Variants in BLVRA observed in about 807,000 individuals in gnomAD.
BLVRA encodes biliverdin reductase A.
Under a neutral mutation model 32.8 loss-of-function variants are expected in BLVRA, and 22 were observed. The observed-to-expected ratio is 0.67, with a 90% confidence interval of 0.48 to 0.96. The LOEUF is 0.96. Among genes scored for constraint, BLVRA ranks in the 40% least tolerant of loss-of-function variants. The pLI is 0.00. For missense variants in BLVRA, 323 were observed against 358.1 expected (o/e 0.90, Z 0.79); for synonymous variants, 119 against 141.3 (o/e 0.84, Z 1.12).
At chr7:43,801,779 C>T (rs937621837) in intron 6 of BLVRA, among the ~76,000 whole-genome samples, 1 of 152,098 alleles carries the variant, frequency 6.6e-6, no homozygotes, top group East Asian at 1.9e-4. Context: ...TGAGACAGAG[C>T]TGGATTGGAG....
At position 43,767,519 on chromosome 7, in the gene BLVRA, G is replaced by A. The variant is rs77122163; in HGVS notation, c.-21-3619G>A. 1.0e-5 allele frequency: 12 copies of A among 1,190,064 alleles called. 1 individual carries two copies. Among genetic ancestry groups the A allele is most frequent in the East Asian group, 7.2e-5 (3 of 41,584 alleles). 73.7% of individuals were successfully genotyped at this position (1,190,064 alleles called of 1,614,324 possible). On this transcript the variant is annotated intron_variant, in intron 1 of 7. Transcript: ENST00000265523. ...TGCTGCTATTGTTGCCGTGGTCACC[G>A]GCCATGTGGTGCTGGCCCTCTTTAT...
At chr7:43,788,164 T>C in intron 3 of BLVRA, 139 bp downstream of exon 3, 1 of 1,489,352 alleles carries the variant, frequency 6.7e-7, no homozygotes, top group Non-Finnish European at 9.2e-7. Flanking sequence ...GTCAGCCCCA[T>C]AAGATCTCAG....
chr7:43,792,826 C>G lies in BLVRA; in HGVS notation c.352+14C>G, dbSNP rs1207661693. Reference sequence around the variant, plus strand: ...CTGAGCAGAAAGGTAATGTATCTTACCAAGAGTTTCTGCCTCCAGGATTTC... The same window carrying G: ...CTGAGCAGAAAGGTAATGTATCTTAGCAAGAGTTTCTGCCTCCAGGATTTC... On this transcript the variant is annotated intron_variant, in intron 5 of 7. Coordinates refer to ENST00000265523, the MANE Select transcript of BLVRA (RefSeq NM_000712.4). The G allele has an allele frequency of 6.8e-6, 11 of 1,611,954 alleles. No individual in the cohort carries two copies. The highest frequency in any genetic ancestry group is 1.1e-5 in the South Asian group (1 of 90,870).
At chr7:43,781,824 G>A (rs1475764755) in intron 2 of BLVRA, among the ~76,000 whole-genome samples, 1 of 152,182 alleles carries the variant, frequency 6.6e-6, no homozygotes, top group East Asian at 1.9e-4. Context: ...AGGAAAATGA[G>A]CAATAAGTCA....
intron 5 of BLVRA, among the ~76,000 whole-genome samples, chr7:43,800,144 T>A (rs2132592279): frequency 6.6e-6 from 1 of 151,738 alleles, no homozygotes; most frequent in East Asian, 2.0e-4. Flanking sequence ...TTAGTAGAGG[T>A]GGGGTTTCAC....
chr7:43,767,568 C>T (rs1303206122), intron 1 of BLVRA: 4 of 1,012,882 alleles, frequency 3.9e-6, no homozygotes, highest in African/African-American at 3.2e-5. Context: ...AATGAAGGCT[C>T]ATGACAGTGA....
intron 2 of BLVRA, among the ~76,000 whole-genome samples, chr7:43,783,466 T>C (rs10280853): frequency 0.15 from 23,136 of 152,238 alleles, 2,214 homozygotes; most frequent in Non-Finnish European, 0.21. Context: ...CCTTTCAATA[T>C]ATAAAGGGCT....
Position 43,789,244 on chromosome 7 carries a change from G to A in BLVRA, c.134+1219G>A, listed in dbSNP as rs545816267. Among the ~76,000 whole-genome samples, 6 of 152,308 alleles carry A rather than the reference G, an allele frequency of 3.9e-5. No individual in the cohort carries two copies. The South Asian group carries it at 1.2e-3, about 32-fold the overall frequency. ...GCAACTCTTTTTCTAGTGCTTTAGA[G>A]ACATCAGATAAATATTTACACAAAG... On this transcript the variant is annotated intron_variant, in intron 3 of 7. Coordinates refer to ENST00000265523, the MANE Select transcript of BLVRA (RefSeq NM_000712.4).
chr7:43,760,989 G>A (rs2095741614), intron 1 of BLVRA, among the ~76,000 whole-genome samples: 3 of 152,008 alleles, frequency 2.0e-5, no homozygotes, highest in Non-Finnish European at 4.4e-5. Context: ...GGTTGGTCTC[G>A]AACTCCTGAC....
chr7:43,788,349 C>T (rs540632045), intron 3 of BLVRA, among the ~76,000 whole-genome samples: 70 of 152,274 alleles, frequency 4.6e-4, no homozygotes, highest in African/African-American at 1.1e-3. Context: ...CGGTGTGCAC[C>T]GGGGAATCCT....
intron 2 of BLVRA, among the ~76,000 whole-genome samples, chr7:43,780,247 C>G (rs1182658921): frequency 6.6e-6 from 1 of 152,158 alleles, no homozygotes; most frequent in African/African-American, 2.4e-5. Flanking sequence ...TTCACCTGCC[C>G]CAAATCTGCT....
intron 5 of BLVRA, among the ~76,000 whole-genome samples, chr7:43,798,954 A>G (rs747962853): frequency 5.3e-5 from 8 of 151,976 alleles, no homozygotes; most frequent in Non-Finnish European, 1.2e-4. Flanking sequence ...TGGGGAAAAT[A>G]TAACATGTTC....
intron 2 of BLVRA, among the ~76,000 whole-genome samples, chr7:43,776,145 A>T (rs1326967061): frequency 6.6e-6 from 1 of 151,808 alleles, no homozygotes; most frequent in Admixed American, 6.6e-5. Flanking sequence ...GTTTCCTTCA[A>T]TTCTGCTCTG....
chr7:43,789,271 A>G (rs1470516690), intron 3 of BLVRA, among the ~76,000 whole-genome samples: 1 of 152,206 alleles, frequency 6.6e-6, no homozygotes, highest in Non-Finnish European at 1.5e-5. Context: ...TACACAAAGC[A>G]TAAGTAACAA....
chr7:43,800,318 C>G (rs1337834726), intron 5 of BLVRA, 147 bp from the exon 6 acceptor site: 1 of 727,320 alleles, frequency 1.4e-6, no homozygotes, highest in South Asian at 1.5e-5. Flanking sequence ...GGGTGGGTGA[C>G]AGTGGTAGGG....
chr7:43,781,619 A>G (rs1279259015), intron 2 of BLVRA, among the ~76,000 whole-genome samples: 1 of 152,240 alleles, frequency 6.6e-6, no homozygotes, highest in African/African-American at 2.4e-5. Context: ...GATTACAGGC[A>G]TGAGCCACAG....
chr7:43,760,699 TA>T (rs370710697), intron 1 of BLVRA, among the ~76,000 whole-genome samples: 8,037 of 145,058 alleles, frequency 0.055, 299 homozygotes, highest in Admixed American at 0.11. Flanking sequence ...TTTGTGTATT[TA>T]AAAAAAAAAA....
chr7:43,784,699 G>A (rs969255760), intron 2 of BLVRA, among the ~76,000 whole-genome samples: 3 of 148,494 alleles, frequency 2.0e-5, no homozygotes, highest in African/African-American at 7.5e-5. Flanking sequence ...TGCCTCCCCG[G>A]TTCAAGCGAT....
rs561318970 is a variant in BLVRA at position 43,781,416 on chromosome 7, A to G, written c.13-6488A>G. On this transcript the variant is annotated intron_variant, in intron 2 of 7. Coordinates refer to ENST00000265523, the MANE Select transcript of BLVRA (RefSeq NM_000712.4). ...GGCTGGAGTGCAGTGGTGTGATCTC[A>G]GCTCACTGCAACCTCGGCCTCCCGT... Among the ~76,000 whole-genome samples, 4 of 152,112 alleles carry G rather than the reference A, an allele frequency of 2.6e-5. No homozygotes were observed. The East Asian group carries it at 7.7e-4, about 29-fold the overall frequency.
Sources: allele counts gnomAD v4.1 joint callset (sites outside exome capture counted in the v4.1 genomes callset), GRCh38; gene constraint gnomAD v4.1.1; transcripts MANE v1.5; gene names NCBI Gene and HGNC (gene_info 2026-07-23, HGNC 2026-07-21).